Variants in DSC2 observed in about 807,000 individuals in gnomAD.
The protein encoded by DSC2 is desmocollin-2.
A neutral mutation model predicts 87.6 loss-of-function variants in DSC2; 51 were observed. The observed-to-expected ratio is 0.58, with a 90% CI of 0.46 to 0.74. The LOEUF (loss-of-function observed/expected upper bound fraction) is 0.74, where lower values mean the gene tolerates loss of function less well. Among genes scored for constraint, DSC2 ranks in the 30% least tolerant of loss-of-function variants. The pLI is 0.00. For missense variants in DSC2, 1,066 were observed against 1,089.5 expected, an observed-to-expected ratio of 0.98 and a Z score of 0.30; for synonymous variants, 383 against 393.2, an observed-to-expected ratio of 0.97 and a Z score of 0.31.
Position 31,060,490 on chromosome 18 carries a change from G to C in DSC2, c.*7525C>G, listed in dbSNP as rs1040720800. 1 of 152,112 alleles carries C rather than the reference G, an allele frequency of 6.6e-6. No individual in the cohort carries two copies. Among genetic ancestry groups the C allele is most frequent in the Non-Finnish European group, 1.5e-5 (1 of 68,142 alleles). The allele number at this position is 152,112 out of a possible 1,614,324, so 9.4% of individuals were successfully genotyped here. A position where few individuals can be genotyped will look rare whatever the true frequency, so the allele number is the denominator to read the frequency against. The stretch of plus-strand genomic sequence containing the variant: ...TTCACAGGCCCCTCTGAAGCTCCTG[G>C]CCGCCACAGTCAGTGAGCATTACCT... On this transcript the variant is annotated 3_prime_UTR_variant, in exon 16 of 16. Transcript: ENST00000280904.
At chr18:31,080,608 C>A (rs569825446) in intron 9 of DSC2, among the ~76,000 whole-genome samples, 1 of 152,256 alleles carries the variant, frequency 6.6e-6, no homozygotes, top group African/African-American at 2.4e-5. Flanking sequence ...TTCCCCACTG[C>A]TCATGATAGT....
rs1987446781 is a variant in DSC2, at chr18:31,087,692, G to T, written c.752C>A (p.Thr251Lys). 1 of 1,612,950 alleles carries T rather than the reference G, an allele frequency of 6.2e-7. No individual in the cohort carries two copies. The highest frequency in any genetic ancestry group is 1.1e-5 in the South Asian group (1 of 91,050). ...PIFTEETYTFTIFENCRVGTT... is the reference protein window; with the variant it reads ...PIFTEETYTFKIFENCRVGTT... ...ACCCACTCTGCAATTTTCAAAAATT[G>T]TAAAAGTATAAGTTTCTTCTGTAAA... The change falls in exon 6 of 16, where the codon ACA becomes AAA. Residue 251 changes from threonine (T) to lysine (K), a missense_variant. Transcript: ENST00000280904.
At chr18:31,071,000 C>A in intron 13 of DSC2, 150 bp from the exon 14 acceptor site, 1 of 972,434 alleles carries the variant, frequency 1.0e-6, no homozygotes, top group South Asian at 1.6e-5. Flanking sequence ...AAGCAGTATA[C>A]AATAGAAAAG....
chr18:31,096,933 T>C (rs1987778818), intron 1 of DSC2, among the ~76,000 whole-genome samples: 1 of 152,018 alleles, frequency 6.6e-6, no homozygotes, highest in Non-Finnish European at 1.5e-5. Flanking sequence ...TACATTACTA[T>C]AAAACAAGAA....
In DSC2 at chr18:31,069,003, G is replaced by GC. The variant is rs397517399; in HGVS notation, c.2398dup (p.Ala800GlyfsTer37). On this transcript the variant is annotated frameshift_variant, in exon 15 of 16. Transcript: ENST00000280904. LOFTEE classifies it high-confidence loss of function. The stretch of plus-strand genomic sequence containing the variant: ...GGAGTCCAGGGTGTGATGGTGGCCA[G>GC]CCCCCCGGCAGGATTCCGAGGTCTG... The GC allele has an allele frequency of 1.9e-6, 3 of 1,614,006 alleles. No homozygotes were observed. The highest frequency in any genetic ancestry group is 2.2e-5 in the East Asian group (1 of 44,852).
In DSC2 at chr18:31,065,678, A is replaced by C. The variant is rs1263380229; in HGVS notation, c.*2337T>G. 6.6e-6 allele frequency: 1 copy of C among 152,192 alleles called. No individual in the cohort carries two copies. Among genetic ancestry groups the C allele is most frequent in the African/African-American group, 2.4e-5 (1 of 41,458 alleles). 9.4% of individuals were successfully genotyped at this position (152,192 alleles called of 1,614,324 possible). A position where few individuals can be genotyped will look rare whatever the true frequency, so the allele number is the denominator to read the frequency against. ...AGCCAAGGAAGGGATTGACAGGGAG[A>C]ATCTAAAATACACATAATTTTCATA... On this transcript the variant is annotated 3_prime_UTR_variant, in exon 16 of 16. Coordinates refer to ENST00000280904, the MANE Select transcript of DSC2 (RefSeq NM_024422.6).
chr18:31,087,758 AG>A lies in DSC2; in HGVS notation c.685del (p.Leu229Ter), dbSNP rs1209546374. 1 of 1,613,796 alleles carries A rather than the reference AG, an allele frequency of 6.2e-7. No individual in the cohort carries two copies. The highest frequency in any genetic ancestry group is 8.5e-7 in the Non-Finnish European group (1 of 1,179,790). ...DGYTPELPLP[L>X]IIKIEDENDN... The stretch of plus-strand genomic sequence containing the variant: ...ATTTTCATCCTCTATTTTGATTATT[AG>A]GGGCAGTGGAAGTTCTGGAGTATAC... On this transcript the variant is annotated frameshift_variant, in exon 6 of 16. Transcript: ENST00000280904. LOFTEE classifies it high-confidence loss of function.
At chr18:31,094,860 T>C (rs1987714771) in intron 1 of DSC2, among the ~76,000 whole-genome samples, 1 of 152,082 alleles carries the variant, frequency 6.6e-6, no homozygotes, top group South Asian at 2.1e-4. Flanking sequence ...CAAGAGAGAA[T>C]AGGAGTAGAA....
intron 9 of DSC2, among the ~76,000 whole-genome samples, chr18:31,081,100 C>A (rs1228040980): frequency 6.6e-6 from 1 of 151,974 alleles, no homozygotes; most frequent in Non-Finnish European, 1.5e-5. Context: ...TTATTTACTA[C>A]AAAATAAATT....
intron 7 of DSC2, among the ~76,000 whole-genome samples, chr18:31,083,265 G>A (rs190233979): frequency 2.6e-5 from 4 of 151,874 alleles, no homozygotes; most frequent in African/African-American, 4.8e-5. Context: ...ACGAAGTCTC[G>A]CTCTGTTGCC....
At position 31,089,450 on chromosome 18, in the gene DSC2, C is replaced by G. The variant is rs200634448; in HGVS notation, c.619G>C (p.Glu207Gln). 5.5e-5 allele frequency: 88 copies of G among 1,613,650 alleles called. No homozygotes were observed. The highest frequency in any genetic ancestry group is 7.1e-5 in the Non-Finnish European group (84 of 1,179,852). The change falls in exon 5 of 16, where the codon GAA becomes CAA. Residue 207 changes from glutamate (E) to glutamine (Q), a missense_variant. Glu to Gln is a conservative substitution (Grantham distance 29). Coordinates refer to ENST00000280904, the MANE Select transcript of DSC2 (RefSeq NM_024422.6). ...ATTTTAGACTTTACCTCAAAAGATTCATACTGCTCACGATCTACAGGACGA... is the reference window on the plus strand; with the variant it reads ...ATTTTAGACTTTACCTCAAAAGATTGATACTGCTCACGATCTACAGGACGA... Reference protein sequence around the residue: ...CTRPVDREQYESFEIIAFATT... With the variant: ...CTRPVDREQYQSFEIIAFATT...
chr18:31,096,455 G>T (rs371313716), intron 1 of DSC2, among the ~76,000 whole-genome samples: 1 of 152,112 alleles, frequency 6.6e-6, no homozygotes, highest in African/African-American at 2.4e-5. Context: ...AAGAGGATCC[G>T]CTCCACATTA....
intron 12 of DSC2, 32 bp from the exon 13 acceptor site, chr18:31,071,873 A>G (rs756223772): frequency 1.3e-6 from 2 of 1,539,642 alleles, no homozygotes; most frequent in South Asian, 2.2e-5. Context: ...ACCAAACATT[A>G]TACAATGTCA....
At chr18:31,068,342 T>C (rs749446085) in intron 15 of DSC2, 130 bp from the exon 16 acceptor site, 2 of 1,612,612 alleles carry the variant, frequency 1.2e-6, no homozygotes, top group South Asian at 2.2e-5. Flanking sequence ...CTCTAATGGA[T>C]TCCTATACAT....
chr18:31,078,698 G>A (rs1418817964), intron 11 of DSC2, among the ~76,000 whole-genome samples: 1 of 151,904 alleles, frequency 6.6e-6, no homozygotes, highest in Non-Finnish European at 1.5e-5. Flanking sequence ...TTAACAAACT[G>A]AGTCATTTCT....
chr18:31,092,737 C>T (rs1367956953), intron 2 of DSC2, among the ~76,000 whole-genome samples: 1 of 152,010 alleles, frequency 6.6e-6, no homozygotes, highest in Non-Finnish European at 1.5e-5. Context: ...TTTATGCTAT[C>T]ATTGGATTGA....
At chr18:31,100,561 G>C (rs1219488773) in intron 1 of DSC2, among the ~76,000 whole-genome samples, 1 of 152,150 alleles carries the variant, frequency 6.6e-6, no homozygotes, top group Non-Finnish European at 1.5e-5. Context: ...AATATGCCCT[G>C]AGAATTCAGT....
chr18:31,078,013 T>C (rs1396552577), intron 11 of DSC2, among the ~76,000 whole-genome samples: 1 of 152,080 alleles, frequency 6.6e-6, no homozygotes, highest in Non-Finnish European at 1.5e-5. Flanking sequence ...CATGCAGGAA[T>C]GTGTGGGCAA....
At chr18:31,091,214 G>T in intron 3 of DSC2, 67 bp from the exon 4 acceptor site, 1 of 1,590,036 alleles carries the variant, frequency 6.3e-7, no homozygotes, top group South Asian at 1.1e-5. Context: ...ATTAAACAAT[G>T]ACACATCTTT....
Sources: allele counts gnomAD v4.1 joint callset (sites outside exome capture counted in the v4.1 genomes callset), GRCh38; gene constraint gnomAD v4.1.1; transcripts MANE v1.5; gene names NCBI Gene and HGNC (gene_info 2026-07-23, HGNC 2026-07-21).